Variants in SAMD5 observed in about 807,000 individuals in gnomAD.
SAMD5 encodes the protein sterile alpha motif domain containing 5.
In SAMD5, 13 loss-of-function variants were observed where a neutral mutation model predicts 11.3. The ratio of observed to expected loss-of-function variants is 1.15; its 90% CI spans 0.75 to 1.83. The LOEUF (loss-of-function observed/expected upper bound fraction) is 1.83. SAMD5 is among the 40% of genes most tolerant of loss of function. SAMD5 has a pLI of 0.00. For missense variants in SAMD5, 255 were observed against 239.1 expected, an observed-to-expected ratio of 1.07 and a Z score of -0.44; for synonymous variants, 129 against 111.3, an observed-to-expected ratio of 1.16 and a Z score of -1.00.
At chr6:147,556,527 A>G (rs1788860127) in intron 1 of SAMD5, among the ~76,000 whole-genome samples, 1 of 152,278 alleles carries the variant, frequency 6.6e-6, no homozygotes, top group Non-Finnish European at 1.5e-5. Context: ...TAAGAATTCA[A>G]ATGGCTCTTA....
chr6:147,609,605 A>T (rs1789751865), intron 1 of SAMD5, among the ~76,000 whole-genome samples: 2 of 152,088 alleles, frequency 1.3e-5, no homozygotes, highest in Non-Finnish European at 2.9e-5. Flanking sequence ...GCTGGAGTGC[A>T]CTGGTACAAT....
chr6:147,935,863 T>A, the SAMD5 span, among the ~76,000 whole-genome samples: 1 of 152,188 alleles, frequency 6.6e-6, no homozygotes, highest in Non-Finnish European at 1.5e-5. Context: ...ACATTAGTAA[T>A]TCTGGGGCTA....
the SAMD5 span, among the ~76,000 whole-genome samples, chr6:147,897,943 TAAAAA>T: frequency 7.8e-5 from 7 of 89,636 alleles, no homozygotes; most frequent in Non-Finnish European, 1.3e-4. Context: ...AGATTTTTCT[TAAAAA>T]AAAAAAAAAA....
chr6:147,662,459 G>T (rs1325640233), intron 1 of SAMD5, among the ~76,000 whole-genome samples: 1 of 152,160 alleles, frequency 6.6e-6, no homozygotes, highest in Non-Finnish European at 1.5e-5. Context: ...AAAAATGGCT[G>T]ATTTCCATTT....
chr6:147,931,091 G>A, the SAMD5 span, among the ~76,000 whole-genome samples: 684 of 152,310 alleles, frequency 4.5e-3, 5 homozygotes, highest in South Asian at 0.016. Context: ...AGGTCGTATT[G>A]CCTCCCATTG....
At chr6:147,842,735 A>G in the SAMD5 span, among the ~76,000 whole-genome samples, 2 of 152,224 alleles carry the variant, frequency 1.3e-5, no homozygotes, top group Non-Finnish European at 2.9e-5. Flanking sequence ...TTTAAGATCA[A>G]TAGAAATCAC....
At chr6:147,798,242 T>C in the SAMD5 span, among the ~76,000 whole-genome samples, 54,867 of 141,074 alleles carry the variant, frequency 0.39, 12,430 homozygotes, top group African/African-American at 0.61. Context: ...GCTTTGAATG[T>C]GTCCCAGAGA....
the SAMD5 span, among the ~76,000 whole-genome samples, chr6:147,881,381 G>A: frequency 6.6e-6 from 1 of 152,132 alleles, no homozygotes; most frequent in African/African-American, 2.4e-5. Context: ...CCCGCGTCAA[G>A]GTTCCCCGCG....
At chr6:147,604,591 A>G (rs997531809) in intron 1 of SAMD5, among the ~76,000 whole-genome samples, 1 of 152,228 alleles carries the variant, frequency 6.6e-6, no homozygotes, top group South Asian at 2.1e-4. Context: ...TCAAGAATGC[A>G]ACTAGTTTTG....
chr6:147,596,651 TA>T (rs1789536037), intron 1 of SAMD5, among the ~76,000 whole-genome samples: 1 of 152,242 alleles, frequency 6.6e-6, no homozygotes. Flanking sequence ...AAAAACTCTA[TA>T]AAACTATGAG....
rs76174659 is a variant in SAMD5, at chr6:147,562,298, A to G, written c.460-2096A>G. The stretch of plus-strand genomic sequence containing the variant: ...GAAGTCTGTTGAACATGGGGCAGAC[A>G]TGGAATCTTGCATTATAATGAGAAT... On this transcript the variant is annotated intron_variant, in intron 1 of 1. Transcript: ENST00000367474. Among the ~76,000 whole-genome samples the G allele has an allele frequency of 3.1e-4, 47 of 152,352 alleles. 1 individual carries two copies. The East Asian group carries it at 8.3e-3, about 27-fold the overall frequency.
At chr6:147,596,787 A>G (rs7754153) in intron 1 of SAMD5, among the ~76,000 whole-genome samples, 7,536 of 152,224 alleles carry the variant, frequency 0.05, 577 homozygotes, top group African/African-American at 0.16. Flanking sequence ...CATCTGCTTC[A>G]TTGGTTAGAT....
At chr6:147,930,578 G>A in the SAMD5 span, among the ~76,000 whole-genome samples, 1 of 152,106 alleles carries the variant, frequency 6.6e-6, no homozygotes, top group Non-Finnish European at 1.5e-5. Flanking sequence ...ATAGAAGCAT[G>A]GCTTTTAGAG....
the SAMD5 span, among the ~76,000 whole-genome samples, chr6:147,827,428 A>G: frequency 2.6e-5 from 4 of 152,368 alleles, no homozygotes; most frequent in East Asian, 7.7e-4. Context: ...GGGCGAAAAA[A>G]AAATCACAGG....
chr6:147,585,357 C>T (rs930261435), intron 1 of SAMD5, among the ~76,000 whole-genome samples: 2 of 152,144 alleles, frequency 1.3e-5, no homozygotes, highest in African/African-American at 4.8e-5. Context: ...ACAGCATGAG[C>T]CCCTGCCAAC....
chr6:147,753,464 G>T, the SAMD5 span, among the ~76,000 whole-genome samples: 1 of 152,130 alleles, frequency 6.6e-6, no homozygotes, highest in Non-Finnish European at 1.5e-5. Flanking sequence ...TGGGGTACAT[G>T]CGATGTTTTG....
the SAMD5 span, among the ~76,000 whole-genome samples, chr6:147,826,975 A>G: frequency 5.9e-5 from 9 of 152,160 alleles, no homozygotes; most frequent in African/African-American, 1.9e-4. Context: ...ATGAATGTCA[A>G]TCATCCTACA....
At chr6:147,738,138 G>A (rs12175888), downstream of SAMD5, among the ~76,000 whole-genome samples, 1 of 152,110 alleles carries the variant, frequency 6.6e-6, no homozygotes, top group African/African-American at 2.4e-5. Context: ...CCTCAAAGAA[G>A]CCATCTCTGC....
chr6:147,632,374 C>T (rs556303136), intron 1 of SAMD5, among the ~76,000 whole-genome samples: 12 of 152,242 alleles, frequency 7.9e-5, no homozygotes, highest in East Asian at 1.9e-4. Flanking sequence ...TAAATATTGA[C>T]GCATAGTCCT....
Sources: gnomAD v4.1 joint callset for allele counts (sites outside exome capture counted in the v4.1 genomes callset) on GRCh38, gnomAD v4.1.1 for gene constraint, MANE v1.5 for transcripts, NCBI Gene and HGNC (gene_info 2026-07-23, HGNC 2026-07-21) for gene names.